Variants in PSME4 observed in about 807,000 individuals in gnomAD.
The protein encoded by PSME4 is proteasome activator subunit 4, also known as proteasome activator complex subunit 4.
PSME4 carries 89 observed loss-of-function variants against 253.9 expected under a neutral mutation model. The ratio of observed to expected loss-of-function variants is 0.35; its 90% CI spans 0.30 to 0.42. The LOEUF (loss-of-function observed/expected upper bound fraction) is 0.42. Ranked by LOEUF, PSME4 falls within the 10% of genes least tolerant of loss-of-function variation. PSME4 has a pLI of 1.00. For synonymous variants in PSME4, 851 were observed against 759.2 expected (o/e 1.12, Z -1.99); for missense variants, 2,014 against 2,195.2 (o/e 0.92, Z 1.65).
chr2:53,919,912 G>A (rs1668220901), intron 19 of PSME4, among the ~76,000 whole-genome samples: 1 of 151,334 alleles, frequency 6.6e-6, no homozygotes, highest in Non-Finnish European at 1.5e-5. Flanking sequence ...CCTTTCAAAG[G>A]AGGCATATCT....
rs372004281 is a variant in PSME4 at position 53,900,065 on chromosome 2, A to G, written c.3286-48T>C. ...GAAAAAAAATGAAGTTCTGATGCAT[A>G]CTACCTGAACGAACCTTGAAAATGT... On this transcript the variant is annotated intron_variant, in intron 28 of 46. Transcript: ENST00000404125. The G allele has an allele frequency of 9.2e-6, 14 of 1,517,488 alleles. No individual in the cohort carries two copies. The Admixed American group carries it at 9.4e-5, about 10-fold the overall frequency. The allele number at this position is 1,517,488 out of a possible 1,614,324, so 94.0% of individuals were successfully genotyped here.
chr2:53,933,832 G>A (rs1007489629), intron 8 of PSME4, among the ~76,000 whole-genome samples: 1 of 152,174 alleles, frequency 6.6e-6, no homozygotes, highest in African/African-American at 2.4e-5. Flanking sequence ...ATGTAAGATA[G>A]TAAACATCTT....
At chr2:53,964,464 A>G (rs1025565865) in intron 1 of PSME4, among the ~76,000 whole-genome samples, 2 of 152,230 alleles carry the variant, frequency 1.3e-5, no homozygotes, top group Non-Finnish European at 2.9e-5. Context: ...TTCTCACTAC[A>G]AAGAAATTTT....
At chr2:53,940,986 T>TTTAA (rs1669422832) in intron 3 of PSME4, among the ~76,000 whole-genome samples, 5 of 75,924 alleles carry the variant, frequency 6.6e-5, no homozygotes, top group Admixed American at 1.6e-4. Flanking sequence ...TATATATATA[T>TTTAA]ATATATATAT....
At chr2:53,915,882 C>G (rs937826833) in intron 20 of PSME4, among the ~76,000 whole-genome samples, 4 of 151,996 alleles carry the variant, frequency 2.6e-5, no homozygotes, top group Admixed American at 2.6e-4. Context: ...ACCAGCCTGG[C>G]CAACATGGTG....
chr2:53,967,679 A>AAAAAAAAG (rs1670808609), intron 1 of PSME4, among the ~76,000 whole-genome samples: 1 of 139,944 alleles, frequency 7.1e-6, no homozygotes, highest in African/African-American at 2.8e-5. Flanking sequence ...AAAAAAAAAA[A>AAAAAAAAG]GTCAAAAAGA....
chr2:53,896,832 T>C lies in PSME4; in HGVS notation c.3660A>G (p.Lys1220=). Residue 1220 remains lysine, a synonymous_variant, in exon 32 of 47, where the codon AAA becomes AAG. Transcript: ENST00000404125. The stretch of plus-strand genomic sequence containing the variant: ...TTTCACAGGGGTTAATGGTCAGCTT[T>C]TTGTGGGTTCTTTTTAGCTGTTTAA... ...GILKQLKRTH[K]KLTINPCEIS... is the part of the protein sequence containing the mutation. The C allele has an allele frequency of 6.2e-7, 1 of 1,611,844 alleles. No individual in the cohort carries two copies. Among genetic ancestry groups the C allele is most frequent in the Non-Finnish European group, 8.5e-7 (1 of 1,177,946 alleles).
Position 53,922,537 on chromosome 2 carries a change from T to A in PSME4, c.2026A>T (p.Asn676Tyr). 1 of 1,612,926 alleles carries A rather than the reference T, an allele frequency of 6.2e-7. No individual in the cohort carries two copies. The highest frequency in any genetic ancestry group is 8.5e-7 in the Non-Finnish European group (1 of 1,179,564). ...DEELDKELLW[N>Y]LQLLSEITRV... ...AATACCTCAGACAAAAGTTGAAGAT[T>A]CCATAGTAATTCCTTGTCTAGCTCT... Residue 676 changes from asparagine to tyrosine, a missense_variant, in exon 17 of 47, where the codon AAT becomes TAT. Around this residue, in one of 4 missense-constraint regions of PSME4, gnomAD observed 989 missense variants for 1,021.1 expected, o/e 0.97. Transcript: ENST00000404125.
chr2:53,940,954 T>C (rs796676215), intron 3 of PSME4, among the ~76,000 whole-genome samples: 326 of 17,072 alleles, frequency 0.019, 20 homozygotes, highest in African/African-American at 0.078. Context: ...TATATATACA[T>C]ATATATATAT....
intron 35 of PSME4, 59 bp from the exon 36 acceptor site, chr2:53,893,019 T>C: frequency 1.4e-6 from 2 of 1,475,136 alleles, no homozygotes; most frequent in Non-Finnish European, 1.9e-6. Context: ...ATTATAATTA[T>C]GCTTGTAATT....
chr2:53,944,011 A>C (rs942019829), intron 3 of PSME4, among the ~76,000 whole-genome samples: 4 of 152,246 alleles, frequency 2.6e-5, no homozygotes, highest in Non-Finnish European at 4.4e-5. Context: ...AAGAGCATAC[A>C]TAATTGTTTT....
chr2:53,872,587 A>G (rs1678928169), intron 43 of PSME4, among the ~76,000 whole-genome samples: 1 of 151,702 alleles, frequency 6.6e-6, no homozygotes. Flanking sequence ...CAAAATCACA[A>G]AAAAAGTAAT....
intron 24 of PSME4, among the ~76,000 whole-genome samples, chr2:53,907,197 A>C (rs1305354575): frequency 6.6e-6 from 1 of 152,196 alleles, no homozygotes; most frequent in African/African-American, 2.4e-5. Context: ...GCCTACTAAG[A>C]CAATTGCTCA....
intron 1 of PSME4, among the ~76,000 whole-genome samples, chr2:53,958,777 AC>A (rs1558429560): frequency 6.6e-6 from 1 of 152,008 alleles, no homozygotes; most frequent in Non-Finnish European, 1.5e-5. Context: ...TAAAAAAAAA[AC>A]ACTTTTAGAC....
chr2:53,948,341 C>T, intron 3 of PSME4, 80 bp downstream of exon 3: 1 of 849,100 alleles, frequency 1.2e-6, no homozygotes, highest in Non-Finnish European at 2.0e-6. Context: ...TTTCAAACAA[C>T]TCAATATTTT....
chr2:53,872,918 T>C (rs1678953161), intron 43 of PSME4, among the ~76,000 whole-genome samples: 1 of 149,382 alleles, frequency 6.7e-6, no homozygotes, highest in Non-Finnish European at 1.5e-5. Flanking sequence ...ATCACAGCTG[T>C]AAATATTTTA....
intron 40 of PSME4, among the ~76,000 whole-genome samples, chr2:53,886,854 GAA>G (rs1450235350): frequency 6.6e-6 from 1 of 152,178 alleles, no homozygotes; most frequent in Non-Finnish European, 1.5e-5. Flanking sequence ...ACATGATTCA[GAA>G]ATTCATTCAT....
rs112378029 is a variant in PSME4 at position 53,905,614 on chromosome 2, A to G, written c.2943+984T>C. Among the ~76,000 whole-genome samples, 30 of 152,274 alleles carry G rather than the reference A, an allele frequency of 2.0e-4. 1 individual carries two copies. Among genetic ancestry groups the G allele is most frequent in the African/African-American group, 7.0e-4 (29 of 41,570 alleles). On this transcript the variant is annotated intron_variant, in intron 26 of 46. Transcript: ENST00000404125. ...CTATTTGGGAGGCTGAGATAAGACG[A>G]TCGCTTGAGCTCAAGCCCAAGGCTA...
rs142896943 is a variant in PSME4, at chr2:53,896,639, T to A, written c.3688+165A>T. On this transcript the variant is annotated intron_variant, in intron 32 of 46. Coordinates refer to ENST00000404125, the MANE Select transcript of PSME4 (RefSeq NM_014614.3). ...GTCAATCTATTTTTGTAAATAGTTA[T>A]CACTAGCTTTTACTAAGTCAACTGT... Among the ~76,000 whole-genome samples the A allele has an allele frequency of 8.4e-3, 1,282 of 152,328 alleles. 20 individuals are homozygous for A. Among genetic ancestry groups the A allele is most frequent in the African/African-American group, 0.029 (1,203 of 41,576 alleles).
Sources: gnomAD v4.1 joint callset for allele counts (sites outside exome capture counted in the v4.1 genomes callset) on GRCh38, gnomAD v4.1.1 for gene constraint, gnomAD v4.1.1 regional missense constraint, MANE v1.5 for transcripts, NCBI Gene and HGNC (gene_info 2026-07-23, HGNC 2026-07-21) for gene names.